POLR3C: variants seen among roughly 807,000 people sequenced by gnomAD.
The protein encoded by POLR3C is RNA polymerase III subunit C, also known as DNA-directed RNA polymerase III subunit RPC3.
In POLR3C, 44 loss-of-function variants were observed where a neutral mutation model predicts 65.9. The observed-to-expected ratio is 0.67, with a 90% CI of 0.52 to 0.86. The LOEUF is 0.86. Ranked by LOEUF, POLR3C falls within the 40% of genes least tolerant of loss-of-function variation. The pLI is 0.00. For missense variants in POLR3C, 576 were observed against 653.2 expected (o/e 0.88, Z 1.29); for synonymous variants, 263 against 231.6 (o/e 1.14, Z -1.23).
chr1:145,838,196 T>A lies in POLR3C; in HGVS notation c.1211T>A (p.Met404Lys). 6.2e-7 allele frequency: 1 copy of A among 1,613,680 alleles called. No individual in the cohort carries two copies. Among genetic ancestry groups the A allele is most frequent in the Non-Finnish European group, 8.5e-7 (1 of 1,179,586 alleles). Residue 404 changes from methionine (M) to lysine (K), a missense_variant, in exon 11 of 15, where the codon ATG (methionine) becomes AAG (lysine). By Grantham distance (95) the Met-to-Lys change is moderately conservative. Transcript: ENST00000334163. Reference protein sequence around the residue: ...MLYKMLSENFMSLQEIPKTPD... With the variant: ...MLYKMLSENFKSLQEIPKTPD... ...TATAAGATGCTCTCAGAAAATTTCA[T>A]GTCACTCCAGGTAACCAACCAAGGG...
intron 11 of POLR3C, 89 bp from the exon 12 acceptor site, chr1:145,839,801 G>T: frequency 1.4e-6 from 1 of 731,748 alleles, no homozygotes; most frequent in Non-Finnish European, 2.5e-6. Flanking sequence ...AAAAAGGAGG[G>T]CTAAGTAACT....
At chr1:145,824,528 T>C (rs1650532282) in intron 1 of POLR3C, 159 bp downstream of exon 1, 1 of 1,290,038 alleles carries the variant, frequency 7.8e-7, no homozygotes, top group Non-Finnish European at 1.0e-6. Context: ...TCTCCAAAGA[T>C]ATGTGGATGG....
intron 5 of POLR3C, among the ~76,000 whole-genome samples, chr1:145,830,164 C>T (rs926807512): frequency 6.6e-6 from 1 of 150,966 alleles, no homozygotes; most frequent in Non-Finnish European, 1.5e-5. Context: ...CCGTACCTTT[C>T]ATTACATTCT....
intron 4 of POLR3C, among the ~76,000 whole-genome samples, chr1:145,827,611 T>G (rs782024826): frequency 6.6e-6 from 1 of 151,670 alleles, no homozygotes; most frequent in Non-Finnish European, 1.5e-5. Flanking sequence ...TACAAAAAAT[T>G]AGCTGGGTGT....
chr1:145,825,995 C>G, intron 2 of POLR3C, 72 bp downstream of exon 2: 2 of 1,241,556 alleles, frequency 1.6e-6, no homozygotes, highest in Non-Finnish European at 2.3e-6. Flanking sequence ...GAATATTGTT[C>G]TTCTCACCCC....
chr1:145,835,559 G>T (rs964333711), intron 7 of POLR3C, among the ~76,000 whole-genome samples: 1 of 151,862 alleles, frequency 6.6e-6, no homozygotes, highest in African/African-American at 2.4e-5. Context: ...TGGCTTTTTG[G>T]TTGGGTTTTG....
At chr1:145,837,764 C>T (rs1553729182) in intron 10 of POLR3C, among the ~76,000 whole-genome samples, 168 bp downstream of exon 10, 1 of 152,220 alleles carries the variant, frequency 6.6e-6, no homozygotes, top group East Asian at 1.9e-4. Context: ...CTTAAAATAA[C>T]CTACTGTTTA....
chr1:145,835,681 TCTC>T (rs750771265), intron 7 of POLR3C, among the ~76,000 whole-genome samples: 50 of 152,072 alleles, frequency 3.3e-4, no homozygotes, highest in Non-Finnish European at 5.9e-4. Flanking sequence ...TTCAAGGCAT[TCTC>T]CTGCTCATCC....
chr1:145,833,030 TTAAAA>T (rs1651464723), intron 5 of POLR3C, among the ~76,000 whole-genome samples: 1 of 151,834 alleles, frequency 6.6e-6, no homozygotes, highest in African/African-American at 2.4e-5. Context: ...CAGAAAAAAA[TTAAAA>T]TAAATGTTAA....
At position 145,843,195 on chromosome 1, in the gene POLR3C, A is replaced by G. The variant is rs1200225075; in HGVS notation, c.*775A>G. On this transcript the variant is annotated 3_prime_UTR_variant, in exon 15 of 15. Coordinates refer to ENST00000334163, the MANE Select transcript of POLR3C (RefSeq NM_006468.8). ...CCACATTTGCCAGCTCCAGGCTTCT[A>G]ACACATCTGAAACTGTGTATGTAGA... 1.4e-5 allele frequency among the ~76,000 whole-genome samples: 2 copies of G among 139,908 alleles called. No homozygotes were observed. The highest frequency in any genetic ancestry group is 4.9e-5 in the African/African-American group (2 of 40,426). The allele number at this position is 139,908 out of a possible 152,430, so 91.8% of individuals were successfully genotyped here.
At chr1:145,836,421 A>G in intron 7 of POLR3C, 73 bp from the exon 8 acceptor site, 1 of 891,948 alleles carries the variant, frequency 1.1e-6, no homozygotes, top group Non-Finnish European at 1.9e-6. Context: ...TGCCCGGCCT[A>G]AAACATCTTT....
intron 5 of POLR3C, among the ~76,000 whole-genome samples, chr1:145,829,677 AC>A (rs1304186099): frequency 3.9e-5 from 6 of 151,942 alleles, no homozygotes; most frequent in African/African-American, 4.8e-5. Flanking sequence ...CTTCAACCTC[AC>A]CTCTGCCCCG....
chr1:145,840,784 A>G (rs1297190782), intron 13 of POLR3C, 138 bp from the exon 14 acceptor site: 2 of 547,284 alleles, frequency 3.7e-6, no homozygotes, highest in East Asian at 2.8e-5. Context: ...ATAAGTTTGT[A>G]GAAAATGTCC....
At chr1:145,836,419 C>G in intron 7 of POLR3C, 75 bp from the exon 8 acceptor site, 2 of 877,760 alleles carry the variant, frequency 2.3e-6, no homozygotes, top group South Asian at 1.3e-5. Flanking sequence ...TGTGCCCGGC[C>G]TAAAACATCT....
intron 4 of POLR3C, 74 bp from the exon 5 acceptor site, chr1:145,828,675 A>G: frequency 9.6e-7 from 1 of 1,039,902 alleles, no homozygotes; most frequent in Non-Finnish European, 1.5e-6. Context: ...AATGAAAGAC[A>G]CCTGCTCTCA....
In POLR3C at chr1:145,833,368, A is replaced by T. The variant is rs1651513285; in HGVS notation, c.783+4A>T. On this transcript the variant is annotated splice_donor_region_variant and intron_variant, in intron 6 of 14. Transcript: ENST00000334163. ...AGTTGCTAACAGGATGGACCAGGTAATACCTAAGTGGGTCTGTCATTGGTC... is the reference window on the plus strand; with the variant it reads ...AGTTGCTAACAGGATGGACCAGGTATTACCTAAGTGGGTCTGTCATTGGTC... 6.3e-7 allele frequency: 1 copy of T among 1,593,104 alleles called. No homozygotes were observed. The highest frequency in any genetic ancestry group is 1.3e-5 in the African/African-American group (1 of 74,530).
At position 145,844,133 on chromosome 1, in the gene POLR3C, A is replaced by G. The variant is rs973007727; in HGVS notation, c.*1713A>G. 1.3e-5 allele frequency among the ~76,000 whole-genome samples: 2 copies of G among 152,206 alleles called. No individual in the cohort carries two copies. The highest frequency in any genetic ancestry group is 2.9e-5 in the Non-Finnish European group (2 of 68,044). On this transcript the variant is annotated 3_prime_UTR_variant, in exon 15 of 15. Transcript: ENST00000334163. ...TCCTCAAAAAACTAAAAACAGAACTATGCTCCAGCAGTTCCACTACTGGGT... is the reference window on the plus strand; with the variant it reads ...TCCTCAAAAAACTAAAAACAGAACTGTGCTCCAGCAGTTCCACTACTGGGT...
chr1:145,839,317 C>A (rs1238154550), intron 11 of POLR3C, among the ~76,000 whole-genome samples: 1 of 152,006 alleles, frequency 6.6e-6, no homozygotes, highest in African/African-American at 2.4e-5. Flanking sequence ...ATAGAATTTA[C>A]CTGGCACATA....
At position 145,836,853 on chromosome 1, in the gene POLR3C, A is replaced by G. The variant is rs782426906; in HGVS notation, c.996A>G (p.Gly332=). The G allele has an allele frequency of 3.7e-5, 59 of 1,582,188 alleles. No homozygotes were observed. Among genetic ancestry groups the G allele is most frequent in the Admixed American group, 1.9e-4 (11 of 59,394 alleles). The change falls in exon 9 of 15, where the codon GGA becomes GGG. Residue 332 remains glycine, a synonymous_variant. Transcript: ENST00000334163. ...GAAAGTCTGGCGACAGTGGTGGAGG[A>G]ATGTATGTCATCAGTATCCTTACCA... The part of the protein sequence containing the change: ...FVGKSGDSGG[G]MYVINLHKAL...
Sources: gnomAD v4.1 joint callset for allele counts (sites outside exome capture counted in the v4.1 genomes callset) on GRCh38, gnomAD v4.1.1 for gene constraint, MANE v1.5 for transcripts, NCBI Gene and HGNC (gene_info 2026-07-23, HGNC 2026-07-21) for gene names.